ABRACL: variants seen among roughly 807,000 people sequenced by gnomAD.
The protein encoded by ABRACL is ABRA C-terminal like.
In ABRACL, 4 loss-of-function variants were observed where a neutral mutation model predicts 7.0. That is an observed-to-expected ratio of 0.57 (90% CI 0.28 to 1.30). The LOEUF is 1.30. Among genes scored for constraint, ABRACL ranks in the 50% most tolerant of loss-of-function variants. The pLI is 0.10. For synonymous variants in ABRACL, 30 were observed against 36.0 expected, an observed-to-expected ratio of 0.83 and a Z score of 0.60; for missense variants, 104 against 97.3, an observed-to-expected ratio of 1.07 and a Z score of -0.29.
chr6:139,035,684 T>C (rs1421290020), intron 2 of ABRACL, among the ~76,000 whole-genome samples: 1 of 151,462 alleles, frequency 6.6e-6, no homozygotes, highest in East Asian at 2.0e-4. Flanking sequence ...GGTTTCACCA[T>C]GTTGGCCAGG....
intron 2 of ABRACL, among the ~76,000 whole-genome samples, chr6:139,040,971 A>G (rs141269099): frequency 1.2e-3 from 180 of 152,258 alleles, no homozygotes; most frequent in African/African-American, 4.2e-3. Context: ...CACTGAGAAA[A>G]AGATGTTCAG....
At chr6:139,041,527 A>T (rs1297242654) in intron 2 of ABRACL, among the ~76,000 whole-genome samples, 4 of 41,976 alleles carry the variant, frequency 9.5e-5, no homozygotes, top group East Asian at 1.7e-3. Flanking sequence ...ATATATATAT[A>T]TATATTTTTT....
At chr6:139,036,213 T>G (rs1786154218) in intron 2 of ABRACL, among the ~76,000 whole-genome samples, 1 of 152,028 alleles carries the variant, frequency 6.6e-6, no homozygotes, top group Non-Finnish European at 1.5e-5. Flanking sequence ...AGTGCTGGGA[T>G]TACAGGTGTG....
intron 2 of ABRACL, among the ~76,000 whole-genome samples, chr6:139,040,453 CAA>C (rs1786227500): frequency 6.6e-6 from 1 of 152,284 alleles, no homozygotes; most frequent in South Asian, 2.1e-4. Flanking sequence ...AAATTTTAAC[CAA>C]AGTTGAGAAT....
At chr6:139,042,056 C>A (rs775527780) in intron 2 of ABRACL, among the ~76,000 whole-genome samples, 2 of 152,150 alleles carry the variant, frequency 1.3e-5, no homozygotes, top group Non-Finnish European at 2.9e-5. Flanking sequence ...TCAAAGGAAT[C>A]GCCCAAGGAT....
At chr6:139,034,641 T>C (rs1786128287) in intron 2 of ABRACL, 1 of 381,654 alleles carries the variant, frequency 2.6e-6, no homozygotes, top group South Asian at 5.9e-5. Flanking sequence ...TTTTACAAAC[T>C]TCTAAATGAC....
intron 1 of ABRACL, among the ~76,000 whole-genome samples, chr6:139,032,653 G>C (rs573943168): frequency 6.6e-6 from 1 of 152,142 alleles, no homozygotes; most frequent in East Asian, 1.9e-4. Context: ...TCTGGATAAA[G>C]TTGTTTCTTC....
At chr6:139,029,667 A>T (rs1786050314) in intron 1 of ABRACL, among the ~76,000 whole-genome samples, 1 of 152,130 alleles carries the variant, frequency 6.6e-6, no homozygotes, top group South Asian at 2.1e-4. Flanking sequence ...CCAAGCTGGT[A>T]GCAGAATGGC....
chr6:139,039,213 G>C (rs966730503), intron 2 of ABRACL, among the ~76,000 whole-genome samples: 1 of 146,864 alleles, frequency 6.8e-6, no homozygotes, highest in African/African-American at 2.5e-5. Context: ...CAACAAGAAG[G>C]AAACTCCATC....
chr6:139,042,619 A>T (rs956081094), intron 2 of ABRACL, 100 bp from the exon 3 acceptor site: 5 of 1,132,194 alleles, frequency 4.4e-6, no homozygotes, highest in Admixed American at 2.4e-5. Context: ...AACCTTGGAT[A>T]GCCCATAGTT....
At chr6:139,041,489 A>ATG (rs1786248158) in intron 2 of ABRACL, among the ~76,000 whole-genome samples, 2 of 44,784 alleles carry the variant, frequency 4.5e-5, no homozygotes, top group East Asian at 9.5e-4. Flanking sequence ...TTCTATATAT[A>ATG]TATATGTGTG....
At chr6:139,039,369 G>A (rs1786210563) in intron 2 of ABRACL, among the ~76,000 whole-genome samples, 1 of 152,166 alleles carries the variant, frequency 6.6e-6, no homozygotes, top group Non-Finnish European at 1.5e-5. Flanking sequence ...TACAGATTAA[G>A]TGAATTTTAA....
chr6:139,037,799 TAG>T (rs1001997408), intron 2 of ABRACL, among the ~76,000 whole-genome samples: 1 of 148,696 alleles, frequency 6.7e-6, no homozygotes, highest in African/African-American at 2.5e-5. Context: ...TTTTCTGGGA[TAG>T]AGTCTTGCTC....
chr6:139,034,330 G>C, intron 2 of ABRACL, 109 bp downstream of exon 2: 1 of 1,598,836 alleles, frequency 6.3e-7, no homozygotes, highest in South Asian at 1.1e-5. Flanking sequence ...TCAGGACACA[G>C]GTCTGGGAGC....
rs572250775 is a variant in ABRACL at position 139,042,720 on chromosome 6, T to G, written c.63T>G (p.Asn21Lys). 1.1e-5 allele frequency: 17 copies of G among 1,609,814 alleles called. No individual in the cohort carries two copies. The South Asian group carries it at 1.8e-4, about 17-fold the overall frequency. ...TAACAATGTATTTTCTCAAACTAGA[T>G]GCTGATGGAAAGTTAAGCGTGAAAT... ...VEEIHRLGSK[N>K]ADGKLSVKFG... The change falls in exon 3 of 3, where the codon AAT (asparagine) becomes AAG (lysine). Residue 21 changes from asparagine (N) to lysine (K), a missense_variant and splice_region_variant. Transcript: ENST00000367660.
Position 139,031,190 on chromosome 6 carries a change from A to G in ABRACL, c.-7+2315A>G, listed in dbSNP as rs1786077085. Among the ~76,000 whole-genome samples the G allele has an allele frequency of 2.6e-5, 4 of 152,344 alleles. No homozygotes were observed. In the South Asian group the frequency reaches 8.3e-4, roughly 32 times the overall value. ...CATTTTCATTCTCCCTCTGTCCAGTACAGGCTAATTTCCTCATCATCCCTC... is the reference window on the plus strand; with the variant it reads ...CATTTTCATTCTCCCTCTGTCCAGTGCAGGCTAATTTCCTCATCATCCCTC... On this transcript the variant is annotated intron_variant, in intron 1 of 2. Coordinates refer to ENST00000367660, the MANE Select transcript of ABRACL (RefSeq NM_021243.3).
At chr6:139,037,357 T>C (rs970462423) in intron 2 of ABRACL, among the ~76,000 whole-genome samples, 2 of 152,138 alleles carry the variant, frequency 1.3e-5, no homozygotes, top group Non-Finnish European at 2.9e-5. Flanking sequence ...GTCTTCTGAG[T>C]GCAGGCAATT....
intron 2 of ABRACL, among the ~76,000 whole-genome samples, chr6:139,039,525 G>A (rs1786214131): frequency 6.6e-6 from 1 of 152,218 alleles, no homozygotes; most frequent in African/African-American, 2.4e-5. Context: ...AGTGGATCAT[G>A]AAGGACTTCT....
At position 139,042,827 on chromosome 6, in the gene ABRACL, A is replaced by T; in HGVS notation, c.170A>T (p.Lys57Met). Residue 57 changes from lysine (K) to methionine (M), a missense_variant, in exon 3 of 3, where the codon AAG becomes ATG. Physicochemically the swap from Lys to Met is moderately conservative, Grantham distance 95. Coordinates refer to ENST00000367660, the MANE Select transcript of ABRACL (RefSeq NM_021243.3). Reference sequence around the variant, plus strand: ...ACTCTTAAAGCTGCAAAACGAAGGAAGATTGTAACATATCCAGGAGAGCTG... The same window carrying T: ...ACTCTTAAAGCTGCAAAACGAAGGATGATTGTAACATATCCAGGAGAGCTG... ...VGTLKAAKRR[K>M]IVTYPGELLL... 1 of 1,614,092 alleles carries T rather than the reference A, an allele frequency of 6.2e-7. No individual in the cohort carries two copies. The highest frequency in any genetic ancestry group is 8.5e-7 in the Non-Finnish European group (1 of 1,179,982).
Sources: allele counts gnomAD v4.1 joint callset (sites outside exome capture counted in the v4.1 genomes callset), GRCh38; gene constraint gnomAD v4.1.1; transcripts MANE v1.5; gene names NCBI Gene and HGNC (gene_info 2026-07-23, HGNC 2026-07-21).